PDE9A: variants seen among roughly 807,000 people sequenced by gnomAD.
PDE9A encodes high affinity cGMP-specific 3',5'-cyclic phosphodiesterase 9A.
Under a neutral mutation model 87.4 loss-of-function variants are expected in PDE9A, and 60 were observed. The observed-to-expected ratio is 0.69, with a 90% CI of 0.56 to 0.85. The LOEUF is 0.85. PDE9A is among the 40% of genes least tolerant of loss of function. The pLI, the probability that PDE9A is intolerant of heterozygous loss-of-function variation, is 0.00. For synonymous variants in PDE9A, 272 were observed against 279.4 expected (o/e 0.97, Z 0.27); for missense variants, 665 against 779.0 (o/e 0.85, Z 1.74).
At chr21:42,747,762 A>C (rs2054020601) in intron 8 of PDE9A, among the ~76,000 whole-genome samples, 1 of 152,218 alleles carries the variant, frequency 6.6e-6, no homozygotes, top group South Asian at 2.1e-4. Flanking sequence ...TATGGGGTTC[A>C]CCCAGAGCTG....
intron 1 of PDE9A, among the ~76,000 whole-genome samples, chr21:42,668,207 C>A (rs984028813): frequency 1.3e-5 from 2 of 152,122 alleles, no homozygotes; most frequent in African/African-American, 4.8e-5. Flanking sequence ...GAGGGGCTGC[C>A]GCCTGGGTCC....
chr21:42,653,736 G>GCCCCCCCCCCCCCC lies in PDE9A; in HGVS notation c.-78_-77insCCCCCCCCCCCCCC. 2 of 369,122 alleles carry GCCCCCCCCCCCCCC rather than the reference G, an allele frequency of 5.4e-6. No individual in the cohort carries two copies. The highest frequency in any genetic ancestry group is 1.8e-4 in the East Asian group (1 of 5,580). 22.9% of individuals were successfully genotyped at this position (369,122 alleles called of 1,614,324 possible). On this transcript the variant is annotated 5_prime_UTR_variant, in exon 1 of 20. Coordinates refer to ENST00000291539, the MANE Select transcript of PDE9A (RefSeq NM_002606.3). Reference sequence around the variant, plus strand: ...CCGCCCCCCGCCCGCCCCCTCCCCTGCTCCCCTCCCCCGCCTCCCGCGGCG... The same window carrying GCCCCCCCCCCCCCC: ...CCGCCCCCCGCCCGCCCCCTCCCCTGCCCCCCCCCCCCCCCTCCCCTCCCCCGCCTCCCGCGGCG...
chr21:42,774,033 C>T (rs538663763), intron 19 of PDE9A, among the ~76,000 whole-genome samples: 10 of 152,004 alleles, frequency 6.6e-5, no homozygotes, highest in African/African-American at 2.2e-4. Flanking sequence ...GAGCCAAGAT[C>T]GTGCCACTGC....
chr21:42,752,782 C>G (rs892099352), intron 9 of PDE9A, among the ~76,000 whole-genome samples: 6 of 152,204 alleles, frequency 3.9e-5, no homozygotes, highest in Admixed American at 3.9e-4. Flanking sequence ...GTGTTCTTGT[C>G]TTCTGTATAG....
At chr21:42,688,554 G>A (rs569688643) in intron 3 of PDE9A, among the ~76,000 whole-genome samples, 7 of 152,192 alleles carry the variant, frequency 4.6e-5, no homozygotes, top group Non-Finnish European at 4.4e-5. Context: ...CGCGGAGCAG[G>A]GGCCCTCAGG....
chr21:42,674,311 A>G (rs2058717965), intron 1 of PDE9A, among the ~76,000 whole-genome samples: 1 of 109,834 alleles, frequency 9.1e-6, no homozygotes, highest in Non-Finnish European at 1.8e-5. Flanking sequence ...TAGGCTTTAG[A>G]CATTCTTTTT....
Position 42,732,062 on chromosome 21 carries a change from G to A in PDE9A, c.443-8G>A. Reference sequence around the variant, plus strand: ...GTGTTCCATCTGTCTTTCTTCTTTGGTTTGTAGAGAGAGAAGAATTAATCC... The same window carrying A: ...GTGTTCCATCTGTCTTTCTTCTTTGATTTGTAGAGAGAGAAGAATTAATCC... On this transcript the variant is annotated splice_polypyrimidine_tract_variant and splice_region_variant and intron_variant, in intron 5 of 19. Transcript: ENST00000291539. 1 of 1,614,140 alleles carries A rather than the reference G, an allele frequency of 6.2e-7. No individual in the cohort carries two copies. The highest frequency in any genetic ancestry group is 8.5e-7 in the Non-Finnish European group (1 of 1,179,954).
chr21:42,754,122 C>T (rs1191885340), intron 10 of PDE9A, 58 bp downstream of exon 10: 31 of 1,015,638 alleles, frequency 3.1e-5, no homozygotes, highest in Admixed American at 9.1e-5. Flanking sequence ...GGATCTTGGA[C>T]GCCAGTGGGA....
At chr21:42,685,736 G>A (rs1473892392) in intron 1 of PDE9A, among the ~76,000 whole-genome samples, 7 of 152,110 alleles carry the variant, frequency 4.6e-5, no homozygotes, top group African/African-American at 1.7e-4. Flanking sequence ...CCAAAGTGCT[G>A]GGATTACAGG....
intron 15 of PDE9A, among the ~76,000 whole-genome samples, 154 bp from the exon 16 acceptor site, chr21:42,768,034 G>A (rs1428529710): frequency 6.6e-6 from 1 of 152,212 alleles, no homozygotes; most frequent in African/African-American, 2.4e-5. Flanking sequence ...ATTGAGAAGG[G>A]AGCCTGTCCT....
At position 42,659,579 on chromosome 21, in the gene PDE9A, C is replaced by T. The variant is rs2057331863; in HGVS notation, c.69+5696C>T. Reference sequence around the variant, plus strand: ...CCACCCTTGCCCTCAGGCCTGGGCACAGCATAGCCCCCATGACGCTTCTCT... The same window carrying T: ...CCACCCTTGCCCTCAGGCCTGGGCATAGCATAGCCCCCATGACGCTTCTCT... On this transcript the variant is annotated intron_variant, in intron 1 of 19. Transcript: ENST00000291539. The surrounding 1 kb of genome is among the most constrained non-coding windows in gnomAD (Gnocchi z 4.1). Among the ~76,000 whole-genome samples the T allele has an allele frequency of 6.6e-6, 1 of 152,236 alleles. No homozygotes were observed. Among genetic ancestry groups the T allele is most frequent in the South Asian group, 2.1e-4 (1 of 4,832 alleles).
At chr21:42,683,669 G>A (rs558531938) in intron 1 of PDE9A, among the ~76,000 whole-genome samples, 52 of 152,332 alleles carry the variant, frequency 3.4e-4, no homozygotes, top group African/African-American at 1.2e-3. Flanking sequence ...TCTGAGTAAA[G>A]TCAGACGAGC....
intron 1 of PDE9A, among the ~76,000 whole-genome samples, chr21:42,684,109 A>G (rs2059315261): frequency 6.6e-6 from 1 of 152,218 alleles, no homozygotes; most frequent in African/African-American, 2.4e-5. Flanking sequence ...CCCAACCCGG[A>G]CCCACTGCGT....
rs567518271 is a variant in PDE9A at position 42,692,846 on chromosome 21, G to C, written c.218+4852G>C. ...GCGGCCATCCTCAGAGATGTGCTTC[G>C]GGGCCCGCACGCCTTGCTCCTCGCA... On this transcript the variant is annotated intron_variant, in intron 3 of 19. Coordinates refer to ENST00000291539, the MANE Select transcript of PDE9A (RefSeq NM_002606.3). The surrounding 1 kb of genome is among the most constrained non-coding windows in gnomAD (Gnocchi z 4.3). 6.6e-6 allele frequency among the ~76,000 whole-genome samples: 1 copy of C among 152,052 alleles called. No homozygotes were observed. The highest frequency in any genetic ancestry group is 6.5e-5 in the Admixed American group (1 of 15,274).
At chr21:42,748,839 C>T (rs1430487981) in intron 8 of PDE9A, among the ~76,000 whole-genome samples, 2 of 152,168 alleles carry the variant, frequency 1.3e-5, no homozygotes, top group Admixed American at 6.5e-5. Flanking sequence ...TTAAACCTAC[C>T]GAATGTGCTC....
At chr21:42,683,145 C>T (rs1273615731) in intron 1 of PDE9A, among the ~76,000 whole-genome samples, 1 of 152,222 alleles carries the variant, frequency 6.6e-6, no homozygotes, top group Non-Finnish European at 1.5e-5. Flanking sequence ...TCACTCATTC[C>T]ACTCAGTGCT....
At chr21:42,665,939 C>T (rs542922944) in intron 1 of PDE9A, among the ~76,000 whole-genome samples, 1 of 152,354 alleles carries the variant, frequency 6.6e-6, no homozygotes, top group Non-Finnish European at 1.5e-5. Context: ...CATGAGGCCC[C>T]GTTGAAGTCA....
chr21:42,673,579 AGT>A (rs1247986660), intron 1 of PDE9A, among the ~76,000 whole-genome samples: 3 of 152,246 alleles, frequency 2.0e-5, no homozygotes, highest in Non-Finnish European at 1.5e-5. Flanking sequence ...AAATCATAAT[AGT>A]TTCCATTATT....
chr21:42,665,357 G>A (rs2057895758), intron 1 of PDE9A, among the ~76,000 whole-genome samples: 1 of 152,178 alleles, frequency 6.6e-6, no homozygotes, highest in Admixed American at 6.5e-5. Context: ...TCAGGGGGTT[G>A]CCTTGTCCAC....
Sources: gnomAD v4.1 joint callset for allele counts (sites outside exome capture counted in the v4.1 genomes callset) on GRCh38, gnomAD v4.1.1 for gene constraint, Gnocchi (gnomAD v3.1) non-coding constraint, MANE v1.5 for transcripts, NCBI Gene and HGNC (gene_info 2026-07-23, HGNC 2026-07-21) for gene names.